The following AGBL1 variants were observed in gnomAD, a reference collection of about 807,000 sequenced individuals.
The protein encoded by AGBL1 is cytosolic carboxypeptidase 4.
AGBL1 carries 130 observed loss-of-function variants against 118.9 expected under a neutral mutation model. The ratio of observed to expected loss-of-function variants is 1.09; its 90% CI spans 0.95 to 1.26. The LOEUF (loss-of-function observed/expected upper bound fraction) is 1.26. Among genes scored for constraint, AGBL1 ranks in the 50% most tolerant of loss-of-function variants. AGBL1 has a pLI of 0.00. For synonymous variants in AGBL1, 555 were observed against 478.9 expected (o/e 1.16, Z -2.08); for missense variants, 1,584 against 1,298.1 (o/e 1.22, Z -3.38).
intron 18 of AGBL1, among the ~76,000 whole-genome samples, chr15:86,410,807 GAT>G (rs36127489): frequency 0.31 from 12,266 of 40,014 alleles, 1,424 homozygotes; most frequent in Non-Finnish European, 0.39. Context: ...GTCAAATGTA[GAT>G]ATATATATAT....
In AGBL1 at chr15:86,940,060, C is replaced by CTTT. The variant is rs5814267; in HGVS notation, c.3222-47901_3222-47899dup. 4.2e-4 allele frequency among the ~76,000 whole-genome samples: 25 copies of CTTT among 59,420 alleles called. 1 individual carries two copies. Among genetic ancestry groups the CTTT allele is most frequent in the African/African-American group, 1.2e-3 (20 of 16,132 alleles). The allele number at this position is 59,420 out of a possible 152,430, so 39.0% of individuals were successfully genotyped here. On this transcript the variant is annotated intron_variant, in intron 23 of 24. Transcript: ENST00000441037. ...ACAAACTCAGCTAATTTTGGTAGTCCTTTTTTTTTTTTTTTTTTTTTTTTT... is the reference window on the plus strand; with the variant it reads ...ACAAACTCAGCTAATTTTGGTAGTCCTTTTTTTTTTTTTTTTTTTTTTTTTTTT...
chr15:86,924,830 C>T (rs1366074701), intron 23 of AGBL1, among the ~76,000 whole-genome samples: 1 of 152,042 alleles, frequency 6.6e-6, no homozygotes, highest in Non-Finnish European at 1.5e-5. Flanking sequence ...AATCCCAGCA[C>T]TTTGGGAGGC....
At chr15:86,960,914 T>C (rs2080986347) in intron 23 of AGBL1, among the ~76,000 whole-genome samples, 1 of 152,068 alleles carries the variant, frequency 6.6e-6, no homozygotes, top group African/African-American at 2.4e-5. Flanking sequence ...ATAGAATGGT[T>C]ATTGCCAGGT....
rs147115380 is a variant in AGBL1 at position 86,680,339 on chromosome 15, A to G, written c.3158+5903A>G. 1.8e-3 allele frequency among the ~76,000 whole-genome samples: 281 copies of G among 152,132 alleles called. 4 individuals carry two copies. In the East Asian group the frequency reaches 0.022, roughly 12 times the overall value. ...CTTTTCTTTTTTAAAATGTAAATCAATGGAGTTTTTTGCATATTAATACAT... is the reference window on the plus strand; with the variant it reads ...CTTTTCTTTTTTAAAATGTAAATCAGTGGAGTTTTTTGCATATTAATACAT... On this transcript the variant is annotated intron_variant, in intron 22 of 22. Coordinates refer to ENST00000614907, the MANE Select transcript of AGBL1 (RefSeq NM_001386094.1).
chr15:86,292,398 A>G (rs940357619), intron 16 of AGBL1, among the ~76,000 whole-genome samples: 2 of 152,170 alleles, frequency 1.3e-5, no homozygotes, highest in African/African-American at 4.8e-5. Context: ...GAGATCTTGT[A>G]TAGAGCTTCC....
chr15:86,081,951 A>G (rs774839518), intron 1 of AGBL1, among the ~76,000 whole-genome samples: 1 of 152,200 alleles, frequency 6.6e-6, no homozygotes, highest in Non-Finnish European at 1.5e-5. Flanking sequence ...TAGATTCCCA[A>G]TTATCAAAGA....
chr15:86,777,912 C>T (rs761238924), intron 22 of AGBL1, among the ~76,000 whole-genome samples: 27 of 152,170 alleles, frequency 1.8e-4, no homozygotes, highest in African/African-American at 3.6e-4. Flanking sequence ...AGCTAATTAT[C>T]GGGGGAAATT....
chr15:86,825,584 C>A (rs1040585527), intron 22 of AGBL1, among the ~76,000 whole-genome samples: 30 of 143,522 alleles, frequency 2.1e-4, no homozygotes, highest in African/African-American at 7.8e-4. Context: ...TGGCAAAGAG[C>A]ACATGAAAAA....
chr15:86,867,423 C>G (rs568307527), intron 22 of AGBL1, among the ~76,000 whole-genome samples: 9 of 152,310 alleles, frequency 5.9e-5, no homozygotes, highest in Middle Eastern at 3.4e-3. Flanking sequence ...CATGTTTCCA[C>G]TTACTGCTTG....
At chr15:86,848,584 G>T (rs184107630) in intron 22 of AGBL1, among the ~76,000 whole-genome samples, 202 of 152,112 alleles carry the variant, frequency 1.3e-3, no homozygotes, top group African/African-American at 4.8e-3. Context: ...AAGTATGGTC[G>T]CAGTCATTCA....
chr15:86,660,485 TC>T (rs2085521749), intron 21 of AGBL1, among the ~76,000 whole-genome samples: 1 of 152,146 alleles, frequency 6.6e-6, no homozygotes, highest in South Asian at 2.1e-4. Context: ...GGACGTTTGC[TC>T]AAAAACAGAG....
chr15:86,759,300 G>A (rs796360811), intron 22 of AGBL1, among the ~76,000 whole-genome samples: 11 of 152,226 alleles, frequency 7.2e-5, no homozygotes, highest in African/African-American at 2.2e-4. Context: ...GTTCTAGCAT[G>A]AGACTTTTTT....
At chr15:86,580,832 C>T (rs890676887) in intron 21 of AGBL1, among the ~76,000 whole-genome samples, 3 of 152,090 alleles carry the variant, frequency 2.0e-5, no homozygotes, top group African/African-American at 4.8e-5. Flanking sequence ...ATTTTGGAAC[C>T]ACTTATTTTT....
intron 22 of AGBL1, among the ~76,000 whole-genome samples, chr15:86,876,895 TTGAA>T (rs2079817630): frequency 6.6e-6 from 1 of 152,164 alleles, no homozygotes; most frequent in African/African-American, 2.4e-5. Context: ...GTTGAAAGGT[TTGAA>T]TGAATGGATG....
chr15:86,869,042 G>A (rs886518331), intron 22 of AGBL1, among the ~76,000 whole-genome samples: 1 of 152,144 alleles, frequency 6.6e-6, no homozygotes, highest in Non-Finnish European at 1.5e-5. Context: ...AATTTTTAGG[G>A]CATTTATATA....
chr15:86,530,417 A>AAT (rs1453475869), intron 19 of AGBL1, among the ~76,000 whole-genome samples: 1 of 140,024 alleles, frequency 7.1e-6, no homozygotes, highest in Non-Finnish European at 1.5e-5. Context: ...AACTATCCTA[A>AAT]ATATATATGC....
rs149231630 is a variant in AGBL1, at chr15:87,005,726, G to A, written c.3323+17638G>A. Among the ~76,000 whole-genome samples, 120 of 152,162 alleles carry A rather than the reference G, an allele frequency of 7.9e-4. 2 individuals carry two copies. The South Asian group carries it at 0.011, about 14-fold the overall frequency. On this transcript the variant is annotated intron_variant, in intron 24 of 24. Coordinates refer to the AGBL1 transcript ENST00000441037. Reference sequence around the variant, plus strand: ...TTCTCTCTCTGTCCAGCTTTGTTTCGTTGCTGGTGAGGAGGTGCATTCCTT... The same window carrying A: ...TTCTCTCTCTGTCCAGCTTTGTTTCATTGCTGGTGAGGAGGTGCATTCCTT...
At chr15:87,018,356 C>T (rs1008728598) in intron 24 of AGBL1, among the ~76,000 whole-genome samples, 1 of 152,014 alleles carries the variant, frequency 6.6e-6, no homozygotes, top group Non-Finnish European at 1.5e-5. Flanking sequence ...TTATTAAATG[C>T]ATCCAGAGAA....
chr15:86,178,605 A>T (rs903574107), intron 5 of AGBL1, among the ~76,000 whole-genome samples: 3 of 152,210 alleles, frequency 2.0e-5, no homozygotes, highest in Non-Finnish European at 4.4e-5. Context: ...TTATCCCCAC[A>T]AAGAAAAGTC....
Sources: gnomAD v4.1 joint callset for allele counts (sites outside exome capture counted in the v4.1 genomes callset) on GRCh38, gnomAD v4.1.1 for gene constraint, MANE v1.5 for transcripts, NCBI Gene and HGNC (gene_info 2026-07-23, HGNC 2026-07-21) for gene names.